The following PRM1 variants were observed in gnomAD, a reference collection of about 807,000 sequenced individuals.
The protein encoded by PRM1 is sperm protamine P1.
A neutral mutation model predicts 4.8 loss-of-function variants in PRM1; 4 were observed. That is an observed-to-expected ratio of 0.83 (90% CI 0.41 to 1.91). The LOEUF (loss-of-function observed/expected upper bound fraction) is 1.91. Ranked by LOEUF, PRM1 falls within the 40% of genes most tolerant of loss-of-function variation. The pLI, the probability that PRM1 is intolerant of heterozygous loss-of-function variation, is 0.03. For synonymous variants in PRM1, 29 were observed against 22.7 expected (o/e 1.28, Z -0.79); for missense variants, 88 against 75.7 (o/e 1.16, Z -0.61).
Position 11,281,207 on chromosome 16 carries a change from C to T in PRM1, c.32G>A (p.Ser11Asn). The T allele has an allele frequency of 1.2e-6, 2 of 1,614,172 alleles. No homozygotes were observed. The highest frequency in any genetic ancestry group is 1.7e-6 in the Non-Finnish European group (2 of 1,180,044). MARYRCCRSQ[S>N]RSRYYRQRQR... ...TCTCTGGCGGTAATATCTGCTCCGG[C>T]TCTGGCTGCGACAGCATCTGTACCT... The change falls in exon 1 of 2, where the codon AGC (serine) becomes AAC (asparagine). Residue 11 changes from serine (S) to asparagine (N), a missense_variant. By Grantham distance (46) the Ser-to-Asn change is conservative. Transcript: ENST00000312511.
In PRM1 at chr16:11,281,316, A is replaced by G. The variant is rs2069950034; in HGVS notation, c.-78T>C. 3 of 1,265,810 alleles carry G rather than the reference A, an allele frequency of 2.4e-6. No individual in the cohort carries two copies. The highest frequency in any genetic ancestry group is 2.3e-6 in the Non-Finnish European group (2 of 869,122). 78.4% of individuals were successfully genotyped at this position (1,265,810 alleles called of 1,614,324 possible). The stretch of plus-strand genomic sequence containing the variant: ...AGCCAGCCAACCTGTGAGCAGGTGG[A>G]ACTCTGTGGGCTGTGAGTCAGGGGC... On this transcript the variant is annotated 5_prime_UTR_variant, in exon 1 of 2. Coordinates refer to ENST00000312511, the MANE Select transcript of PRM1 (RefSeq NM_002761.3).
rs763274836 is a variant in PRM1 at position 11,281,274 on chromosome 16, G to A, written c.-36C>T. On this transcript the variant is annotated 5_prime_UTR_variant, in exon 1 of 2. Coordinates refer to ENST00000312511, the MANE Select transcript of PRM1 (RefSeq NM_002761.3). ...GGGCTTGGCCTGAATGCTCAGAGCA[G>A]GGCACCACCTTGGCTGAGCCAGCCA... 2 of 1,596,394 alleles carry A rather than the reference G, an allele frequency of 1.3e-6. No homozygotes were observed. Among genetic ancestry groups the A allele is most frequent in the African/African-American group, 2.7e-5 (2 of 74,586 alleles).
chr16:11,281,160 T>C lies in PRM1; in HGVS notation c.79A>G (p.Arg27Gly). 1.2e-6 allele frequency: 2 copies of C among 1,614,198 alleles called. No individual in the cohort carries two copies. Among genetic ancestry groups the C allele is most frequent in the Non-Finnish European group, 1.7e-6 (2 of 1,180,050 alleles). ...CTCCTCCGTGTCTGGCAGCTCCGCC[T>C]CCTTCGTCTGCGACTTCTTTGTCTC... ...RQRQRSRRRRRRSCQTRRRAM... is the reference protein window; with the variant it reads ...RQRQRSRRRRGRSCQTRRRAM... Residue 27 changes from arginine (R) to glycine (G), a missense_variant, in exon 1 of 2, where the codon AGG becomes GGG. Physicochemically the swap from Arg to Gly is moderately radical, Grantham distance 125. Transcript: ENST00000312511.
At position 11,280,905 on chromosome 16, in the gene PRM1, G is replaced by T; in HGVS notation, c.*87C>A. 7.1e-7 allele frequency: 1 copy of T among 1,418,344 alleles called. No individual in the cohort carries two copies. Among genetic ancestry groups the T allele is most frequent in the Non-Finnish European group, 1.0e-6 (1 of 1,000,730 alleles). 87.9% of individuals were successfully genotyped at this position (1,418,344 alleles called of 1,614,324 possible). A position where few individuals can be genotyped will look rare whatever the true frequency, so the allele number is the denominator to read the frequency against. On this transcript the variant is annotated 3_prime_UTR_variant, in exon 2 of 2. Transcript: ENST00000312511. Reference sequence around the variant, plus strand: ...AGCAGGCTCCTGATTTTTATTGGATGGTGGCATTTTCAAGATGTGGCAAGA... The same window carrying T: ...AGCAGGCTCCTGATTTTTATTGGATTGTGGCATTTTCAAGATGTGGCAAGA...
Position 11,281,231 on chromosome 16 carries a change from C to T in PRM1, c.8G>A (p.Arg3Lys). Residue 3 changes from arginine (R) to lysine (K), a missense_variant, in exon 1 of 2, where the codon AGG becomes AAG. Transcript: ENST00000312511. ...GCTCTGGCTGCGACAGCATCTGTAC[C>T]TGGCCATGGTGCAGGATGGGCTTGG... is the stretch of plus-strand genomic sequence containing the variant. Reference protein sequence around the residue: MARYRCCRSQSRS... With the variant: MAKYRCCRSQSRS... 1 of 1,613,914 alleles carries T rather than the reference C, an allele frequency of 6.2e-7. No individual in the cohort carries two copies. Among genetic ancestry groups the T allele is most frequent in the East Asian group, 2.2e-5 (1 of 44,902 alleles).
chr16:11,281,137 C>T lies in PRM1; in HGVS notation c.102G>A (p.Arg34=), dbSNP rs35576928. The change falls in exon 1 of 2, where the codon AGG becomes AGA. Residue 34 remains arginine (R), a synonymous_variant. Coordinates refer to ENST00000312511, the MANE Select transcript of PRM1 (RefSeq NM_002761.3). Reference sequence around the variant, plus strand: ...GCTGGGCCCACTTACTCATGGCTCTCCTCCGTGTCTGGCAGCTCCGCCTCC... The same window carrying T: ...GCTGGGCCCACTTACTCATGGCTCTTCTCCGTGTCTGGCAGCTCCGCCTCC... ...RRRRRSCQTR[R]RAMRCCRPRY... 3 of 1,614,202 alleles carry T rather than the reference C, an allele frequency of 1.9e-6. No individual in the cohort carries two copies. Among genetic ancestry groups the T allele is most frequent in the Non-Finnish European group, 2.5e-6 (3 of 1,180,036 alleles).
At position 11,281,019 on chromosome 16, in the gene PRM1, C is replaced by G. The variant is rs768062014; in HGVS notation, c.129G>C (p.Arg43Ser). The change falls in exon 2 of 2, where the codon AGG (arginine) becomes AGC (serine). Residue 43 changes from arginine (R) to serine (S), a missense_variant. Physicochemically the swap from Arg to Ser is moderately radical, Grantham distance 110 (BLOSUM62 -1). Transcript: ENST00000312511. ...AGTGTCTTCTACATCGCGGTCTGTA[C>G]CTGGGGCGGCAGCACCCTGGTGAGA... is the stretch of plus-strand genomic sequence containing the variant. ...RRRAMRCCRP[R>S]YRPRCRRH 3.7e-6 allele frequency: 6 copies of G among 1,614,080 alleles called. No individual in the cohort carries two copies. The highest frequency in any genetic ancestry group is 4.5e-5 in the East Asian group (2 of 44,880).
chr16:11,280,938 G>C lies in PRM1; in HGVS notation c.*54C>G, dbSNP rs529275302. The C allele has an allele frequency of 6.1e-5, 95 of 1,565,600 alleles. No homozygotes were observed. The South Asian group carries it at 9.2e-4, about 15-fold the overall frequency. ...TTTCAAGATGTGGCAAGAGGATCTT[G>C]AAGTCTGGTAACATTCTCAGGCAGG... On this transcript the variant is annotated 3_prime_UTR_variant, in exon 2 of 2. Coordinates refer to ENST00000312511, the MANE Select transcript of PRM1 (RefSeq NM_002761.3).
Position 11,281,016 on chromosome 16 carries a change from G to A in PRM1, c.132C>T (p.Tyr44=), listed in dbSNP as rs759997275. 1.4e-5 allele frequency: 23 copies of A among 1,613,982 alleles called. No homozygotes were observed. Among genetic ancestry groups the A allele is most frequent in the Admixed American group, 5.0e-5 (3 of 60,008 alleles). ...RRAMRCCRPR[Y]RPRCRRH is the part of the protein sequence containing the mutation. ...ATTAGTGTCTTCTACATCGCGGTCTGTACCTGGGGCGGCAGCACCCTGGTG... is the reference window on the plus strand; with the variant it reads ...ATTAGTGTCTTCTACATCGCGGTCTATACCTGGGGCGGCAGCACCCTGGTG... Residue 44 remains tyrosine (Y), a synonymous_variant, in exon 2 of 2, where the codon TAC becomes TAT. Coordinates refer to ENST00000312511, the MANE Select transcript of PRM1 (RefSeq NM_002761.3).
Position 11,281,165 on chromosome 16 carries a change from C to G in PRM1, c.74G>C (p.Arg25Pro). The change falls in exon 1 of 2, where the codon CGA becomes CCA. Residue 25 changes from arginine (R) to proline (P), a missense_variant. Coordinates refer to ENST00000312511, the MANE Select transcript of PRM1 (RefSeq NM_002761.3). ...YYRQRQRSRR[R>P]RRRSCQTRRR... ...CCGTGTCTGGCAGCTCCGCCTCCTT[C>G]GTCTGCGACTTCTTTGTCTCTGGCG... 1 of 1,614,202 alleles carries G rather than the reference C, an allele frequency of 6.2e-7. No individual in the cohort carries two copies. Among genetic ancestry groups the G allele is most frequent in the Non-Finnish European group, 8.5e-7 (1 of 1,180,034 alleles).
At position 11,280,919 on chromosome 16, in the gene PRM1, G is replaced by T; in HGVS notation, c.*73C>A. On this transcript the variant is annotated 3_prime_UTR_variant, in exon 2 of 2. Transcript: ENST00000312511. The stretch of plus-strand genomic sequence containing the variant: ...TTTTATTGGATGGTGGCATTTTCAA[G>T]ATGTGGCAAGAGGATCTTGAAGTCT... 6.6e-7 allele frequency: 1 copy of T among 1,505,938 alleles called. No individual in the cohort carries two copies. Among genetic ancestry groups the T allele is most frequent in the Non-Finnish European group, 9.3e-7 (1 of 1,080,992 alleles). 93.3% of individuals were successfully genotyped at this position (1,505,938 alleles called of 1,614,324 possible).
At chr16:11,281,089 G>C in intron 1 of PRM1, 38 bp downstream of exon 1, 1 of 1,613,426 alleles carries the variant, frequency 6.2e-7, no homozygotes, top group East Asian at 2.2e-5. Flanking sequence ...AGAGCTCCCA[G>C]CCTCAGCCCC....
Position 11,281,174 on chromosome 16 carries a change from CTT to C in PRM1, c.63_64del (p.Arg23GlnfsTer26). On this transcript the variant is annotated frameshift_variant, in exon 1 of 2. Transcript: ENST00000312511. LOFTEE classifies it low-confidence loss of function (END_TRUNC). ...GCAGCTCCGCCTCCTTCGTCTGCGACTTCTTTGTCTCTGGCGGTAATATCTGC... is the reference window on the plus strand; with the variant it reads ...GCAGCTCCGCCTCCTTCGTCTGCGACCTTTGTCTCTGGCGGTAATATCTGC... 1 of 1,614,172 alleles carries C rather than the reference CTT, an allele frequency of 6.2e-7. No homozygotes were observed. The highest frequency in any genetic ancestry group is 8.5e-7 in the Non-Finnish European group (1 of 1,180,038).
rs775318321 is a variant in PRM1 at position 11,281,276 on chromosome 16, G to T, written c.-38C>A. 2.5e-5 allele frequency: 39 copies of T among 1,586,512 alleles called. No homozygotes were observed. The highest frequency in any genetic ancestry group is 3.4e-4 in the Middle Eastern group (2 of 5,934). On this transcript the variant is annotated 5_prime_UTR_variant, in exon 1 of 2. Coordinates refer to ENST00000312511, the MANE Select transcript of PRM1 (RefSeq NM_002761.3). The stretch of plus-strand genomic sequence containing the variant: ...GCTTGGCCTGAATGCTCAGAGCAGG[G>T]CACCACCTTGGCTGAGCCAGCCAAC...
chr16:11,281,315 G>C lies in PRM1; in HGVS notation c.-77C>G. 1 of 1,265,050 alleles carries C rather than the reference G, an allele frequency of 7.9e-7. No homozygotes were observed. The highest frequency in any genetic ancestry group is 1.7e-5 in the Admixed American group (1 of 59,490). The allele number at this position is 1,265,050 out of a possible 1,614,324, so 78.4% of individuals were successfully genotyped here. A position where few individuals can be genotyped will look rare whatever the true frequency, so the allele number is the denominator to read the frequency against. ...GAGCCAGCCAACCTGTGAGCAGGTG[G>C]AACTCTGTGGGCTGTGAGTCAGGGG... On this transcript the variant is annotated 5_prime_UTR_variant, in exon 1 of 2. Transcript: ENST00000312511.
rs765484330 is a variant in PRM1 at position 11,281,139 on chromosome 16, T to G, written c.100A>C (p.Arg34=). The change falls in exon 1 of 2, where the codon AGG becomes CGG. Residue 34 remains arginine, a synonymous_variant. Coordinates refer to ENST00000312511, the MANE Select transcript of PRM1 (RefSeq NM_002761.3). ...TGGGCCCACTTACTCATGGCTCTCCTCCGTGTCTGGCAGCTCCGCCTCCTT... is the reference window on the plus strand; with the variant it reads ...TGGGCCCACTTACTCATGGCTCTCCGCCGTGTCTGGCAGCTCCGCCTCCTT... ...RRRRRSCQTR[R]RAMRCCRPRY... The G allele has an allele frequency of 3.1e-6, 5 of 1,614,072 alleles. No individual in the cohort carries two copies. The highest frequency in any genetic ancestry group is 4.2e-6 in the Non-Finnish European group (5 of 1,180,030).
At chr16:11,281,097 C>T in intron 1 of PRM1, 30 bp downstream of exon 1, 3 of 1,613,792 alleles carry the variant, frequency 1.9e-6, no homozygotes, top group African/African-American at 1.3e-5. Context: ...CAGCCTCAGC[C>T]CCAGCCCACC....
rs1442862549 is a variant in PRM1 at position 11,280,844 on chromosome 16, CTT to C, written c.*146_*147del. 1.2e-5 allele frequency: 12 copies of C among 1,012,072 alleles called. No homozygotes were observed. The highest frequency in any genetic ancestry group is 1.7e-5 in the Non-Finnish European group (11 of 634,922). 62.7% of individuals were successfully genotyped at this position (1,012,072 alleles called of 1,614,324 possible). A position where few individuals can be genotyped will look rare whatever the true frequency, so the allele number is the denominator to read the frequency against. Reference sequence around the variant, plus strand: ...GAACAAGGAGAGAAGAGTGGGATGACTTTTCAACATTTATTGACAGGCGGCAT... The same window carrying C: ...GAACAAGGAGAGAAGAGTGGGATGACTTCAACATTTATTGACAGGCGGCAT... On this transcript the variant is annotated 3_prime_UTR_variant, in exon 2 of 2. Transcript: ENST00000312511.
rs1291690266 is a variant in PRM1 at position 11,281,011 on chromosome 16, G to T, written c.137C>A (p.Pro46Gln). The change falls in exon 2 of 2, where the codon CCG (proline) becomes CAG (glutamine). Residue 46 changes from proline to glutamine, a missense_variant. Physicochemically the swap from Pro to Gln is moderately conservative, Grantham distance 76. Coordinates refer to ENST00000312511, the MANE Select transcript of PRM1 (RefSeq NM_002761.3). ...AMRCCRPRYR[P>Q]RCRRH ...GTGCAATTAGTGTCTTCTACATCGC[G>T]GTCTGTACCTGGGGCGGCAGCACCC... 2.5e-6 allele frequency: 4 copies of T among 1,613,890 alleles called. No homozygotes were observed. The highest frequency in any genetic ancestry group is 2.5e-6 in the Non-Finnish European group (3 of 1,179,784).
Sources: gnomAD v4.1 joint callset for allele counts on GRCh38, gnomAD v4.1.1 for gene constraint, MANE v1.5 for transcripts, NCBI Gene and HGNC (gene_info 2026-07-23, HGNC 2026-07-21) for gene names.